PCYT1A: variants seen among roughly 807,000 people sequenced by gnomAD.
PCYT1A encodes phosphate cytidylyltransferase 1A, choline.
PCYT1A carries 25 observed loss-of-function variants against 43.7 expected under a neutral mutation model. That is an observed-to-expected ratio of 0.57 (90% CI 0.42 to 0.80). The LOEUF (loss-of-function observed/expected upper bound fraction) is 0.80. Among genes scored for constraint, PCYT1A ranks in the 30% least tolerant of loss-of-function variants. The pLI is 0.00. For missense variants in PCYT1A, 421 were observed against 474.2 expected (o/e 0.89, Z 1.04); for synonymous variants, 172 against 170.7 (o/e 1.01, Z -0.06).
rs1724188604 is a variant in PCYT1A at position 196,237,087 on chromosome 3, T to C, written c.*1601A>G. ...AGTGTTTAGGGAGTGGACTATGAGA[T>C]GCTCACAGTCCTAGCAGAGGCAAGG... On this transcript the variant is annotated 3_prime_UTR_variant, in exon 9 of 9. Transcript: ENST00000431016. The C allele has an allele frequency of 1.3e-5, 2 of 150,248 alleles. No homozygotes were observed. Among genetic ancestry groups the C allele is most frequent in the Admixed American group, 1.3e-4 (2 of 15,218 alleles). The allele number at this position is 150,248 out of a possible 1,614,324, so 9.3% of individuals were successfully genotyped here.
chr3:196,246,177 G>C (rs1023973989), intron 5 of PCYT1A, among the ~76,000 whole-genome samples: 1 of 152,126 alleles, frequency 6.6e-6, no homozygotes, highest in Non-Finnish European at 1.5e-5. Context: ...ATCCTCAATA[G>C]TTTTAATAAA....
chr3:196,239,907 G>T, intron 7 of PCYT1A, 172 bp from the exon 8 acceptor site: 1 of 584,086 alleles, frequency 1.7e-6, no homozygotes, highest in Non-Finnish European at 3.1e-6. Context: ...ATATGCTGTG[G>T]ATGCACACAC....
At chr3:196,279,240 A>G (rs1252776928) in intron 1 of PCYT1A, among the ~76,000 whole-genome samples, 29 of 150,244 alleles carry the variant, frequency 1.9e-4, no homozygotes, top group Non-Finnish European at 4.4e-5. Flanking sequence ...GTGAGCCATG[A>G]TCATACCACT....
At position 196,247,113 on chromosome 3, in the gene PCYT1A, G is replaced by A. The variant is rs1410891932; in HGVS notation, c.486+254C>T. 2.6e-5 allele frequency among the ~76,000 whole-genome samples: 4 copies of A among 152,214 alleles called. No homozygotes were observed. Among genetic ancestry groups the A allele is most frequent in the Non-Finnish European group, 5.9e-5 (4 of 68,046 alleles). Reference sequence around the variant, plus strand: ...TGTTACTCATATGTAAAGCGGAAATGACAAACACACCACAGGATTGCTGTG... The same window carrying A: ...TGTTACTCATATGTAAAGCGGAAATAACAAACACACCACAGGATTGCTGTG... On this transcript the variant is annotated intron_variant, in intron 5 of 8. Transcript: ENST00000431016. The surrounding 1 kb of genome is among the most constrained non-coding windows in gnomAD (Gnocchi z 4.8).
chr3:196,264,830 T>C (rs2108775216), intron 2 of PCYT1A, among the ~76,000 whole-genome samples: 1 of 152,314 alleles, frequency 6.6e-6, no homozygotes, highest in Middle Eastern at 3.4e-3. Context: ...CTTTCTCTTT[T>C]TTGTCTGTGA....
At position 196,247,148 on chromosome 3, in the gene PCYT1A, T is replaced by C. The variant is rs1724593521; in HGVS notation, c.486+219A>G. Among the ~76,000 whole-genome samples, 1 of 151,984 alleles carries C rather than the reference T, an allele frequency of 6.6e-6. No homozygotes were observed. The highest frequency in any genetic ancestry group is 6.6e-5 in the Admixed American group (1 of 15,250). ...CCACAGGATTGCTGTGGGCAGAAAATGGAATAGAATGGATGTAAAAGTGCT... is the reference window on the plus strand; with the variant it reads ...CCACAGGATTGCTGTGGGCAGAAAACGGAATAGAATGGATGTAAAAGTGCT... On this transcript the variant is annotated intron_variant, in intron 5 of 8. Coordinates refer to ENST00000431016, the MANE Select transcript of PCYT1A (RefSeq NM_001312673.2). This position sits in a 1 kb window ranked among gnomAD's most constrained non-coding sequence, Gnocchi z 4.8.
At chr3:196,267,264 C>T (rs1271302071) in intron 2 of PCYT1A, 1 of 454,148 alleles carries the variant, frequency 2.2e-6, no homozygotes, top group Non-Finnish European at 4.4e-6. Context: ...AGAAGCCAGC[C>T]CCAAAGACCA....
rs115384990 is a variant in PCYT1A, at chr3:196,242,362, A to G, written c.565+200T>C. The G allele has an allele frequency of 9.5e-4, 665 of 700,882 alleles. 1 individual carries two copies. In the African/African-American group the frequency reaches 0.011, roughly 11 times the overall value. 43.4% of individuals were successfully genotyped at this position (700,882 alleles called of 1,614,324 possible). ...AGAGATATCCAAAGTAGATGTTTAG[A>G]CCAAGAATTGATGGATGTCATGAAC... On this transcript the variant is annotated intron_variant, in intron 6 of 8. Transcript: ENST00000431016. The surrounding 1 kb of genome is among the most constrained non-coding windows in gnomAD (Gnocchi z 4.2).
intron 2 of PCYT1A, chr3:196,267,178 CAAA>C (rs878961519): frequency 6.1e-3 from 1,166 of 192,472 alleles, no homozygotes; most frequent in South Asian, 9.6e-3. Flanking sequence ...GACTCAGTCT[CAAA>C]AAAAAAAAAA....
intron 1 of PCYT1A, among the ~76,000 whole-genome samples, 191 bp from the exon 2 acceptor site, chr3:196,270,732 C>A (rs1440518093): frequency 6.6e-6 from 1 of 152,202 alleles, no homozygotes; most frequent in African/African-American, 2.4e-5. Flanking sequence ...AGTAGAAATA[C>A]TGAAACGCCT....
rs1355268745 is a variant in PCYT1A, at chr3:196,235,488, A to G, written c.*3200T>C. The G allele has an allele frequency of 6.6e-6, 1 of 152,242 alleles. No homozygotes were observed. The highest frequency in any genetic ancestry group is 1.5e-5 in the Non-Finnish European group (1 of 68,054). The allele number at this position is 152,242 out of a possible 1,614,324, so 9.4% of individuals were successfully genotyped here. On this transcript the variant is annotated 3_prime_UTR_variant, in exon 9 of 9. Coordinates refer to ENST00000431016, the MANE Select transcript of PCYT1A (RefSeq NM_001312673.2). This position sits in a 1 kb window ranked among gnomAD's most constrained non-coding sequence, Gnocchi z 4.3. ...AATATAATGGTCTTTGGCTCTAGCT[A>G]TCAGCAATAGCTGCAAGAGCACAAA...
intron 5 of PCYT1A, among the ~76,000 whole-genome samples, chr3:196,245,419 C>T (rs1364874381): frequency 5.3e-5 from 8 of 152,080 alleles, no homozygotes; most frequent in Non-Finnish European, 1.0e-4. Flanking sequence ...GGATTACAGG[C>T]GTGAGCCACA....
chr3:196,266,611 C>T (rs73212143), intron 2 of PCYT1A, among the ~76,000 whole-genome samples: 20,153 of 152,032 alleles, frequency 0.13, 1,475 homozygotes, highest in African/African-American at 0.19. Context: ...AAGTACTGGC[C>T]GGACGTGGTG....
At chr3:196,253,777 G>A (rs186896923) in intron 3 of PCYT1A, among the ~76,000 whole-genome samples, 1 of 152,156 alleles carries the variant, frequency 6.6e-6, no homozygotes, top group East Asian at 1.9e-4. Context: ...CGGCCAGAAG[G>A]GGTCACTGTT....
Position 196,235,559 on chromosome 3 carries a change from G to A in PCYT1A, c.*3129C>T, listed in dbSNP as rs1724136640. 6.6e-6 allele frequency: 1 copy of A among 152,240 alleles called. No homozygotes were observed. The highest frequency in any genetic ancestry group is 2.4e-5 in the African/African-American group (1 of 41,450). The allele number at this position is 152,240 out of a possible 1,614,324, so 9.4% of individuals were successfully genotyped here. Reference sequence around the variant, plus strand: ...AAAGTGTCAACCTCCATTCTTCAGTGCTTCTGAATCTAGCATAAGACCAAG... The same window carrying A: ...AAAGTGTCAACCTCCATTCTTCAGTACTTCTGAATCTAGCATAAGACCAAG... On this transcript the variant is annotated 3_prime_UTR_variant, in exon 9 of 9. Coordinates refer to ENST00000431016, the MANE Select transcript of PCYT1A (RefSeq NM_001312673.2). The surrounding 1 kb of genome is among the most constrained non-coding windows in gnomAD (Gnocchi z 4.3).
At chr3:196,258,943 G>C (rs1006952567) in intron 2 of PCYT1A, among the ~76,000 whole-genome samples, 3 of 152,144 alleles carry the variant, frequency 2.0e-5, no homozygotes, top group African/African-American at 7.2e-5. Flanking sequence ...GTCTGGCTTT[G>C]ATATCTGGCC....
chr3:196,269,441 T>G (rs1405643503), intron 2 of PCYT1A, among the ~76,000 whole-genome samples: 1 of 152,302 alleles, frequency 6.6e-6, no homozygotes, highest in South Asian at 2.1e-4. Flanking sequence ...CACTGGGATT[T>G]TGAAACACAG....
chr3:196,281,087 T>C (rs1034360233), intron 1 of PCYT1A, among the ~76,000 whole-genome samples: 2 of 152,210 alleles, frequency 1.3e-5, no homozygotes, highest in African/African-American at 4.8e-5. Flanking sequence ...TAAAACCCAA[T>C]GCCCAGTATT....
rs532221350 is a variant in PCYT1A at position 196,234,718 on chromosome 3, C to T, written c.*3970G>A. 3.2e-4 allele frequency: 48 copies of T among 152,298 alleles called. No individual in the cohort carries two copies. Among genetic ancestry groups the T allele is most frequent in the African/African-American group, 1.1e-3 (46 of 41,568 alleles). The allele number at this position is 152,298 out of a possible 1,614,324, so 9.4% of individuals were successfully genotyped here. On this transcript the variant is annotated 3_prime_UTR_variant, in exon 9 of 9. Transcript: ENST00000431016. ...GGTGCTTCCGTTTTCTGCCTCAATC[C>T]GAGCGCTAACATAAAATCTTGGCAG...
Sources: allele counts gnomAD v4.1 joint callset (sites outside exome capture counted in the v4.1 genomes callset), GRCh38; gene constraint gnomAD v4.1.1; non-coding constraint Gnocchi (gnomAD v3.1); transcripts MANE v1.5; gene names NCBI Gene and HGNC (gene_info 2026-07-23, HGNC 2026-07-21).